Variants in FDFT1 observed in about 807,000 individuals in gnomAD.
The protein encoded by FDFT1 is farnesyl-diphosphate farnesyltransferase 1, also known as squalene synthase.
FDFT1 carries 68 observed loss-of-function variants against 46.8 expected under a neutral mutation model. The observed-to-expected ratio is 1.45, with a 90% CI of 1.19 to 1.78. FDFT1 has a LOEUF of 1.78. Ranked by LOEUF, FDFT1 falls within the 40% of genes most tolerant of loss-of-function variation. FDFT1 has a pLI of 0.00. For synonymous variants in FDFT1, 351 were observed against 185.1 expected (o/e 1.90, Z -7.28); for missense variants, 928 against 524.4 (o/e 1.77, Z -7.52).
At chr8:11,826,979 G>T in intron 5 of FDFT1, among the ~76,000 whole-genome samples, 1 of 152,336 alleles carries the variant, frequency 6.6e-6, no homozygotes, top group East Asian at 1.9e-4. Context: ...GGGATGGCAG[G>T]TAGACAAAAA....
chr8:11,819,973 C>T (rs747898595), intron 3 of FDFT1, among the ~76,000 whole-genome samples: 1 of 152,126 alleles, frequency 6.6e-6, no homozygotes, highest in Non-Finnish European at 1.5e-5. Context: ...TTCTCCCCAT[C>T]TTTGTGGTTT....
intron 1 of FDFT1, chr8:11,803,199 C>T (rs191089765): frequency 4.8e-4 from 679 of 1,408,452 alleles, no homozygotes; most frequent in Middle Eastern, 1.3e-3. Context: ...CCCGTTTCGT[C>T]CCCTCCGTGA....
chr8:11,803,067 T>A, intron 1 of FDFT1, 136 bp downstream of exon 1: 1 of 1,451,144 alleles, frequency 6.9e-7, no homozygotes, highest in Non-Finnish European at 9.0e-7. Flanking sequence ...CCCGTCCCCC[T>A]TTCCTCGAGC....
At chr8:11,796,423 A>C (rs1805575720) in intron 1 of FDFT1, among the ~76,000 whole-genome samples, 1 of 152,242 alleles carries the variant, frequency 6.6e-6, no homozygotes, top group African/African-American at 2.4e-5. Context: ...GGGAGGAACC[A>C]CTGAACATGG....
rs769055412 is a variant in FDFT1 at position 11,830,249 on chromosome 8, G to C, written c.708G>C (p.Trp236Cys). The C allele has an allele frequency of 1.7e-5, 27 of 1,613,262 alleles. No homozygotes were observed. The highest frequency in any genetic ancestry group is 2.2e-5 in the Non-Finnish European group (26 of 1,179,336). Residue 236 changes from tryptophan to cysteine, a missense_variant, in exon 6 of 8, where the codon TGG (tryptophan) becomes TGC (cysteine). By Grantham distance (215) the Trp-to-Cys change is radical. Coordinates refer to ENST00000220584, the MANE Select transcript of FDFT1 (RefSeq NM_004462.5). The part of the protein sequence containing the change: ...GGREFWPQEV[W>C]SRYVKKLGDF... ...TAATCTTCTTATCTGTCTAGGTTTG[G>C]AGCAGGTATGTTAAGAAGTTAGGGG...
intron 4 of FDFT1, 173 bp from the exon 5 acceptor site, chr8:11,825,851 C>G (rs757869081): frequency 4.6e-5 from 19 of 412,742 alleles, no homozygotes; most frequent in East Asian, 7.1e-5. Flanking sequence ...ATGTTTTGAG[C>G]ACATCCTTCT....
intron 5 of FDFT1, among the ~76,000 whole-genome samples, chr8:11,827,996 G>A (rs143630232): frequency 0.022 from 3,309 of 152,262 alleles, 119 homozygotes; most frequent in African/African-American, 0.074. Context: ...GAGGTCAGGT[G>A]TTTGAGAACA....
chr8:11,799,371 C>T (rs749483128), upstream of FDFT1, among the ~76,000 whole-genome samples: 21 of 152,192 alleles, frequency 1.4e-4, no homozygotes, highest in Non-Finnish European at 2.8e-4. Context: ...TCAAGGCCAG[C>T]GTTTAGCTGC....
chr8:11,838,315 G>A (rs1054916364), intron 7 of FDFT1, 73 bp from the exon 8 acceptor site: 2 of 1,145,786 alleles, frequency 1.7e-6, no homozygotes, highest in African/African-American at 1.5e-5. Flanking sequence ...CCTGCCAGTG[G>A]AGGGTTGTTG....
At chr8:11,806,217 C>G (rs960766378) in intron 1 of FDFT1, among the ~76,000 whole-genome samples, 1 of 152,112 alleles carries the variant, frequency 6.6e-6, no homozygotes, top group African/African-American at 2.4e-5. Flanking sequence ...TGTTTTTCTC[C>G]CGCTTGCGAG....
At chr8:11,831,739 C>G in intron 7 of FDFT1, 69 bp downstream of exon 7, 1 of 1,306,892 alleles carries the variant, frequency 7.7e-7, no homozygotes, top group Non-Finnish European at 1.1e-6. Context: ...CACTGTTTAA[C>G]CAGGTTTGGA....
chr8:11,823,669 G>A (rs1181550353), intron 4 of FDFT1, among the ~76,000 whole-genome samples: 3 of 152,088 alleles, frequency 2.0e-5, no homozygotes, highest in African/African-American at 7.2e-5. Flanking sequence ...CTGGGCTCAA[G>A]CAATCTTCCT....
chr8:11,795,613 G>A (rs568229800), exon 1 of FDFT1: 2 of 150,418 alleles, frequency 1.3e-5, no homozygotes, highest in African/African-American at 4.9e-5. Flanking sequence ...TACAACGCTT[G>A]GGAAGCTTTG....
At chr8:11,804,276 C>G (rs867165933) in intron 1 of FDFT1, among the ~76,000 whole-genome samples, 1 of 152,212 alleles carries the variant, frequency 6.6e-6, no homozygotes, top group African/African-American at 2.4e-5. Context: ...CTTCATTCCT[C>G]TATGTCTCTT....
chr8:11,826,149 G>A lies in FDFT1; in HGVS notation c.636G>A (p.Gln212=). The change falls in exon 5 of 8, where the codon CAG becomes CAA. Residue 212 remains glutamine (Q), a synonymous_variant. Coordinates refer to ENST00000220584, the MANE Select transcript of FDFT1 (RefSeq NM_004462.5). ...CCAACTCTATGGGCCTGTTTTTGCAGAAAACAAACATCATCCGTGACTATC... is the reference window on the plus strand; with the variant it reads ...CCAACTCTATGGGCCTGTTTTTGCAAAAAACAAACATCATCCGTGACTATC... ...ERANSMGLFL[Q]KTNIIRDYLE... 6.2e-7 allele frequency: 1 copy of A among 1,605,284 alleles called. No individual in the cohort carries two copies. The highest frequency in any genetic ancestry group is 8.5e-7 in the Non-Finnish European group (1 of 1,173,208).
chr8:11,838,044 C>T (rs1811781963), intron 7 of FDFT1, among the ~76,000 whole-genome samples: 1 of 152,218 alleles, frequency 6.6e-6, no homozygotes, highest in African/African-American at 2.4e-5. Context: ...TAGTCTGTGC[C>T]TGTCTACGTG....
intron 7 of FDFT1, among the ~76,000 whole-genome samples, chr8:11,837,089 G>A (rs558140962): frequency 6.6e-6 from 1 of 152,258 alleles, no homozygotes; most frequent in Non-Finnish European, 1.5e-5. Context: ...GCATAATCCT[G>A]AAGTTGAGAC....
upstream of FDFT1, among the ~76,000 whole-genome samples, chr8:11,799,838 C>G (rs530012591): frequency 1.3e-5 from 2 of 150,940 alleles, no homozygotes; most frequent in East Asian, 3.9e-4. Flanking sequence ...TCCAGCTACT[C>G]GGGAGGCTAA....
chr8:11,809,338 T>G, intron 2 of FDFT1: 1 of 1,100,096 alleles, frequency 9.1e-7, no homozygotes, highest in Non-Finnish European at 1.1e-6. Context: ...TTTTTGACTT[T>G]CTTTTCTATT....
Sources: allele counts gnomAD v4.1 joint callset (sites outside exome capture counted in the v4.1 genomes callset), GRCh38; gene constraint gnomAD v4.1.1; transcripts MANE v1.5; gene names NCBI Gene and HGNC (gene_info 2026-07-23, HGNC 2026-07-21).